CACNA1H: variants seen among roughly 807,000 people sequenced by gnomAD.
CACNA1H encodes voltage-dependent T-type calcium channel subunit alpha-1H.
In CACNA1H, 149 loss-of-function variants were observed where a neutral mutation model predicts 192.5. The ratio of observed to expected loss-of-function variants is 0.77; its 90% CI spans 0.68 to 0.89. The LOEUF (loss-of-function observed/expected upper bound fraction) is 0.89. CACNA1H is among the 40% of genes least tolerant of loss of function. The pLI, the probability that CACNA1H is intolerant of heterozygous loss-of-function variation, is 0.00. For missense variants in CACNA1H, 4,257 were observed against 3,423.5 expected (o/e 1.24, Z -6.08); for synonymous variants, 2,202 against 1,475.2 (o/e 1.49, Z -11.29).
Position 1,213,859 on chromosome 16 carries a change from C to G in CACNA1H, c.4857C>G (p.Leu1619=). ...SIHSLCTSHY[L]DLFITFIICV... ...ACTCGCTGTGCACCAGCCACTATCT[C>G]GACCTCTTCATCACCTTCATCATCT... The change falls in exon 27 of 35, where the codon CTC becomes CTG. Residue 1619 remains leucine, a synonymous_variant. Transcript: ENST00000348261. 6.2e-7 allele frequency: 1 copy of G among 1,609,666 alleles called. No homozygotes were observed. The highest frequency in any genetic ancestry group is 8.5e-7 in the Non-Finnish European group (1 of 1,178,416).
Position 1,180,129 on chromosome 16 carries a change from G to A in CACNA1H, c.300-14843G>A, listed in dbSNP as rs938153830. Reference sequence around the variant, plus strand: ...GCTGAGGGGCGTCGTGTGGATGGACGGCCAGCCCGTTGGGTGCCCTGGCTG... The same window carrying A: ...GCTGAGGGGCGTCGTGTGGATGGACAGCCAGCCCGTTGGGTGCCCTGGCTG... On this transcript the variant is annotated intron_variant, in intron 2 of 34. Transcript: ENST00000348261. This position sits in a 1 kb window ranked among gnomAD's most constrained non-coding sequence, Gnocchi z 4.4. Among the ~76,000 whole-genome samples, 2 of 152,088 alleles carry A rather than the reference G, an allele frequency of 1.3e-5. No homozygotes were observed. The highest frequency in any genetic ancestry group is 6.5e-5 in the Admixed American group (1 of 15,276).
intron 2 of CACNA1H, among the ~76,000 whole-genome samples, chr16:1,187,201 G>A (rs78647468): frequency 0.011 from 1,683 of 152,390 alleles, 24 homozygotes; most frequent in African/African-American, 0.038. Flanking sequence ...ATGAGGGGCC[G>A]GGAGGGGAGG....
intron 8 of CACNA1H, 83 bp from the exon 9 acceptor site, chr16:1,201,580 G>A (rs1014470510): frequency 1.3e-5 from 19 of 1,454,036 alleles, no homozygotes; most frequent in South Asian, 4.2e-5. Context: ...GCCCCCACTC[G>A]AACAGGCAGC....
In CACNA1H at chr16:1,202,047, C is replaced by T. The variant is rs1967996386; in HGVS notation, c.1597C>T (p.His533Tyr). 6.5e-7 allele frequency: 1 copy of T among 1,538,082 alleles called. No homozygotes were observed. The highest frequency in any genetic ancestry group is 8.7e-7 in the Non-Finnish European group (1 of 1,144,212). ...HHHHHHYHFS[H>Y]GSPRRPGPEP... The stretch of plus-strand genomic sequence containing the variant: ...CCACCACCACCACTACCATTTCAGC[C>T]ATGGCAGCCCCCGCAGGCCCGGCCC... Residue 533 changes from histidine (H) to tyrosine (Y), a missense_variant, in exon 9 of 35, where the codon CAT (histidine) becomes TAT (tyrosine). His to Tyr is a moderately conservative substitution (Grantham distance 83). Transcript: ENST00000348261.
intron 26 of CACNA1H, among the ~76,000 whole-genome samples, chr16:1,213,469 A>T (rs9328916): frequency 6.6e-6 from 1 of 152,138 alleles, no homozygotes; most frequent in Non-Finnish European, 1.5e-5. Flanking sequence ...TGCCTGGCGC[A>T]ACCGCGTTGC....
rs967106285 is a variant in CACNA1H at position 1,202,267 on chromosome 16, C to G, written c.1817C>G (p.Thr606Arg). ...ATAAASLRLA[T>R]GLGTMNYPTI... ...GCCGCTGCCAGCCTCAGACTGGCCA[C>G]AGGGCTGGGCACCATGAACTACCCC... Residue 606 changes from threonine (T) to arginine (R), a missense_variant, in exon 9 of 35, where the codon ACA becomes AGA. By Grantham distance (71) the Thr-to-Arg change is moderately conservative. Coordinates refer to ENST00000348261, the MANE Select transcript of CACNA1H (RefSeq NM_021098.3). 2.5e-6 allele frequency: 4 copies of G among 1,576,692 alleles called. No individual in the cohort carries two copies. The African/African-American group carries it at 4.1e-5, about 16-fold the overall frequency.
rs1375663537 is a variant in CACNA1H, at chr16:1,176,270, G to T, written c.300-18702G>T. 2.6e-5 allele frequency among the ~76,000 whole-genome samples: 4 copies of T among 152,240 alleles called. No individual in the cohort carries two copies. In the East Asian group the frequency reaches 7.7e-4, roughly 29 times the overall value. ...CTTGGAGCTCTAATTAGTGCCCGAC[G>T]GGGCATCTCACCCACCACGGGAGGG... On this transcript the variant is annotated intron_variant, in intron 2 of 34. Transcript: ENST00000348261.
At chr16:1,173,401 G>A (rs1053530642) in intron 2 of CACNA1H, among the ~76,000 whole-genome samples, 9 of 152,204 alleles carry the variant, frequency 5.9e-5, no homozygotes, top group African/African-American at 1.9e-4. Context: ...TCCAGGCCTC[G>A]GGCCCCTTCA....
chr16:1,186,684 G>C (rs556269788), intron 2 of CACNA1H, among the ~76,000 whole-genome samples: 1 of 152,256 alleles, frequency 6.6e-6, no homozygotes, highest in East Asian at 1.9e-4. Context: ...GACCTGGCTC[G>C]GTCCCGATGC....
intron 1 of CACNA1H, 84 bp from the exon 2 acceptor site, chr16:1,153,636 C>G (rs1422779112): frequency 1.3e-5 from 11 of 878,406 alleles, no homozygotes; most frequent in African/African-American, 1.1e-4. Flanking sequence ...TCCCGGCGGC[C>G]GCGGCTGTTC....
intron 2 of CACNA1H, among the ~76,000 whole-genome samples, chr16:1,176,331 C>T (rs1256972918): frequency 6.6e-6 from 1 of 152,226 alleles, no homozygotes; most frequent in Non-Finnish European, 1.5e-5. Flanking sequence ...CTCGGAGCTC[C>T]CCTGCCCATC....
intron 9 of CACNA1H, 42 bp from the exon 10 acceptor site, chr16:1,203,968 A>G (rs757690377): frequency 7.0e-7 from 1 of 1,419,178 alleles, no homozygotes; most frequent in Non-Finnish European, 9.4e-7. Context: ...TTGTGGCAGC[A>G]CCACTGAGTG....
chr16:1,153,681 C>A, intron 1 of CACNA1H, 39 bp from the exon 2 acceptor site: 1 of 1,138,998 alleles, frequency 8.8e-7, no homozygotes, highest in Non-Finnish European at 1.1e-6. Context: ...AGGGCGGGGG[C>A]GTCGCCACCG....
rs1415593353 is a variant in CACNA1H, at chr16:1,211,597, C to CCTGGGCCAGGTGGG, written c.4474_4476+11dup. On this transcript the variant is annotated frameshift_variant, in exon 23 of 35. Coordinates refer to ENST00000348261, the MANE Select transcript of CACNA1H (RefSeq NM_021098.3). LOFTEE classifies it high-confidence loss of function. ...TGCGACGCAAGTACAACTTCGACAA[C>CCTGGGCCAGGTGGG]CTGGGCCAGGTGGGCTGGGCGGCCG... is the stretch of plus-strand genomic sequence containing the variant. The CCTGGGCCAGGTGGG allele has an allele frequency of 1.9e-6, 3 of 1,609,926 alleles. No individual in the cohort carries two copies. Among genetic ancestry groups the CCTGGGCCAGGTGGG allele is most frequent in the Non-Finnish European group, 2.5e-6 (3 of 1,178,454 alleles).
At chr16:1,194,274 C>T (rs537115362) in intron 2 of CACNA1H, among the ~76,000 whole-genome samples, 2 of 152,302 alleles carry the variant, frequency 1.3e-5, no homozygotes, top group East Asian at 1.9e-4. Flanking sequence ...GAGCTGGTGC[C>T]TGACTTCCCA....
chr16:1,208,863 C>G (rs1189384139), intron 16 of CACNA1H, among the ~76,000 whole-genome samples, 169 bp from the exon 17 acceptor site: 1 of 152,228 alleles, frequency 6.6e-6, no homozygotes, highest in Non-Finnish European at 1.5e-5. Flanking sequence ...TGAGCTACGC[C>G]TGTGGCTGGC....
At chr16:1,195,150 GTGGGGC>G (rs1238365142) in intron 3 of CACNA1H, 67 bp downstream of exon 3, 3 of 1,124,868 alleles carry the variant, frequency 2.7e-6, no homozygotes, top group South Asian at 1.4e-5. Context: ...TCAAGGCGGA[GTGGGGC>G]GGGGGCGGGG....
intron 27 of CACNA1H, among the ~76,000 whole-genome samples, chr16:1,214,479 G>A (rs1054069738): frequency 6.6e-6 from 1 of 152,166 alleles, no homozygotes; most frequent in Non-Finnish European, 1.5e-5. Flanking sequence ...CTCTCCGGAG[G>A]TTCGTCCTCA....
At position 1,167,187 on chromosome 16, in the gene CACNA1H, C is replaced by G. The variant is rs1316694645; in HGVS notation, c.299+13151C>G. 1.3e-5 allele frequency among the ~76,000 whole-genome samples: 2 copies of G among 152,228 alleles called. No individual in the cohort carries two copies. The highest frequency in any genetic ancestry group is 4.8e-5 in the African/African-American group (2 of 41,470). ...GTCTCCCATCGGGAAATGGCAGCCC[C>G]TGACCTGCCCCGTGGGGATGAAACG... On this transcript the variant is annotated intron_variant, in intron 2 of 34. Transcript: ENST00000348261. The surrounding 1 kb of genome is among the most constrained non-coding windows in gnomAD (Gnocchi z 4.2).
Sources: allele counts gnomAD v4.1 joint callset (sites outside exome capture counted in the v4.1 genomes callset), GRCh38; gene constraint gnomAD v4.1.1; non-coding constraint Gnocchi (gnomAD v3.1); transcripts MANE v1.5; gene names NCBI Gene and HGNC (gene_info 2026-07-23, HGNC 2026-07-21).